The following ZNF485 variants were observed in gnomAD, a reference collection of about 807,000 sequenced individuals.
The protein encoded by ZNF485 is zinc finger protein 485, also known as Zinc finger protein 93 (Zinc finger protein HTF34).
Under a neutral mutation model 10.8 loss-of-function variants are expected in ZNF485, and 9 were observed. The ratio of observed to expected loss-of-function variants is 0.83; its 90% confidence interval spans 0.50 to 1.45. ZNF485 has a LOEUF of 1.45. ZNF485 is among the 40% of genes most tolerant of loss of function. The pLI is 0.00. For missense variants in ZNF485, 487 were observed against 528.0 expected, an observed-to-expected ratio of 0.92 and a Z score of 0.76; for synonymous variants, 187 against 181.0, an observed-to-expected ratio of 1.03 and a Z score of -0.27.
At position 43,617,419 on chromosome 10, in the gene ZNF485, G is replaced by T. The variant is rs779823048; in HGVS notation, c.*50G>T. 1 of 1,298,530 alleles carries T rather than the reference G, an allele frequency of 7.7e-7. No individual in the cohort carries two copies. Among genetic ancestry groups the T allele is most frequent in the Admixed American group, 2.3e-5 (1 of 43,414 alleles). The allele number at this position is 1,298,530 out of a possible 1,614,324, so 80.4% of individuals were successfully genotyped here. A position where few individuals can be genotyped will look rare whatever the true frequency, so the allele number is the denominator to read the frequency against. Reference sequence around the variant, plus strand: ...TATTCCTTCTGACCATCATAGAGGAGACATTAAATAAATTATGCATTTAAC... The same window carrying T: ...TATTCCTTCTGACCATCATAGAGGATACATTAAATAAATTATGCATTTAAC... On this transcript the variant is annotated 3_prime_UTR_variant, in exon 5 of 5. Coordinates refer to ENST00000361807, the MANE Select transcript of ZNF485 (RefSeq NM_145312.4).
At position 43,607,604 on chromosome 10, in the gene ZNF485, G is replaced by C. The variant is rs143733735; in HGVS notation, c.24+530G>C. Among the ~76,000 whole-genome samples, 409 of 152,212 alleles carry C rather than the reference G, an allele frequency of 2.7e-3. 3 individuals are homozygous for C. The highest frequency in any genetic ancestry group is 9.4e-3 in the African/African-American group (391 of 41,508). On this transcript the variant is annotated intron_variant, in intron 2 of 4. Coordinates refer to ENST00000361807, the MANE Select transcript of ZNF485 (RefSeq NM_145312.4). ...TTTGCTTTTATCCTGGAGAAAACTAGGTTTTGAAGGATTTTGAGAAGCTGA... is the reference window on the plus strand; with the variant it reads ...TTTGCTTTTATCCTGGAGAAAACTACGTTTTGAAGGATTTTGAGAAGCTGA...
chr10:43,608,428 C>T (rs1181669220), intron 2 of ZNF485, among the ~76,000 whole-genome samples, 186 bp from the exon 3 acceptor site: 1 of 152,200 alleles, frequency 6.6e-6, no homozygotes, highest in Middle Eastern at 3.2e-3. Flanking sequence ...GGGAGCAGGA[C>T]AGGCATGCAG....
At chr10:43,607,684 AAAT>A (rs1234227093) in intron 2 of ZNF485, among the ~76,000 whole-genome samples, 2 of 152,352 alleles carry the variant, frequency 1.3e-5, no homozygotes, top group African/African-American at 4.8e-5. Context: ...TCTATTATAC[AAAT>A]AAAATTAAAA....
chr10:43,611,640 C>G (rs1377004719), intron 4 of ZNF485, among the ~76,000 whole-genome samples: 5 of 152,128 alleles, frequency 3.3e-5, no homozygotes, highest in African/African-American at 1.2e-4. Flanking sequence ...CATATGAGTG[C>G]CACTTTTATA....
chr10:43,611,505 A>G (rs778496999), intron 4 of ZNF485, among the ~76,000 whole-genome samples: 1 of 152,232 alleles, frequency 6.6e-6, no homozygotes, highest in Non-Finnish European at 1.5e-5. Flanking sequence ...TCTCTTGTGT[A>G]CAAGTAAATC....
chr10:43,615,473 C>G (rs180686807), intron 4 of ZNF485, among the ~76,000 whole-genome samples: 14 of 152,236 alleles, frequency 9.2e-5, no homozygotes, highest in African/African-American at 3.4e-4. Context: ...ATGATCTCAG[C>G]TCACTGCAAC....
At chr10:43,613,494 T>C (rs1453806143) in intron 4 of ZNF485, among the ~76,000 whole-genome samples, 1 of 152,240 alleles carries the variant, frequency 6.6e-6, no homozygotes, top group Non-Finnish European at 1.5e-5. Context: ...AGTTCTTTAT[T>C]CAGCAGGTTC....
rs781616020 is a variant in ZNF485, at chr10:43,616,809, G to A, written c.766G>A (p.Ala256Thr). Residue 256 changes from alanine (A) to threonine (T), a missense_variant, in exon 5 of 5, where the codon GCT becomes ACT. By Grantham distance (58) the Ala-to-Thr change is moderately conservative. Transcript: ENST00000361807. ...DCGKAFAQNA[A>T]LTRHERIHSG... ...TGGGAAAGCCTTCGCTCAGAATGCA[G>A]CTCTTACTCGTCATGAAAGAATACA... The A allele has an allele frequency of 6.2e-7, 1 of 1,614,078 alleles. No individual in the cohort carries two copies. The highest frequency in any genetic ancestry group is 8.5e-7 in the Non-Finnish European group (1 of 1,179,992).
chr10:43,616,838 T>C lies in ZNF485; in HGVS notation c.795T>C (p.Ser265=), dbSNP rs1011517061. The C allele has an allele frequency of 1.9e-6, 3 of 1,614,078 alleles. No homozygotes were observed. Among genetic ancestry groups the C allele is most frequent in the African/African-American group, 1.3e-5 (1 of 75,032 alleles). ...TTACTCGTCATGAAAGAATACATAG[T>C]GGAGAGAAGCCTTTTAAATGTAACA... ...AALTRHERIH[S]GEKPFKCNKC... Residue 265 remains serine, a synonymous_variant, in exon 5 of 5, where the codon AGT becomes AGC. Coordinates refer to ENST00000361807, the MANE Select transcript of ZNF485 (RefSeq NM_145312.4).
chr10:43,609,706 C>T (rs1487430057), intron 4 of ZNF485, among the ~76,000 whole-genome samples: 2 of 151,970 alleles, frequency 1.3e-5, no homozygotes, highest in African/African-American at 4.8e-5. Flanking sequence ...TTTTTTGAGA[C>T]AGTCTCGCCC....
Position 43,616,372 on chromosome 10 carries a change from A to T in ZNF485, c.329A>T (p.Lys110Ile), listed in dbSNP as rs1324251353. 6.2e-7 allele frequency: 1 copy of T among 1,613,980 alleles called. No homozygotes were observed. The highest frequency in any genetic ancestry group is 1.3e-5 in the African/African-American group (1 of 74,926). The change falls in exon 5 of 5, where the codon AAA (lysine) becomes ATA (isoleucine). Residue 110 changes from lysine to isoleucine, a missense_variant. By Grantham distance (102) the Lys-to-Ile change is moderately radical. Transcript: ENST00000361807. ...SEASVLGERT[K>I]SVMMEKGLDW... ...GCATCTGTTCTGGGAGAGCGAACGA[A>T]AAGTGTCATGATGGAAAAAGGCCTG... is the stretch of plus-strand genomic sequence containing the variant.
At position 43,616,276 on chromosome 10, in the gene ZNF485, A is replaced by T. The variant is rs766658291; in HGVS notation, c.248-15A>T. On this transcript the variant is annotated splice_polypyrimidine_tract_variant and intron_variant, in intron 4 of 4. Transcript: ENST00000361807. ...CAACATAAAGAACATTTGAATTTTT[A>T]AAATTTTCTTTCAGTCGAGGATTAC... 3 of 1,530,884 alleles carry T rather than the reference A, an allele frequency of 2.0e-6. No homozygotes were observed. In the South Asian group the frequency reaches 3.9e-5, roughly 20 times the overall value. 94.8% of individuals were successfully genotyped at this position (1,530,884 alleles called of 1,614,324 possible).
chr10:43,610,011 ACT>A (rs1838738766), intron 4 of ZNF485, among the ~76,000 whole-genome samples: 1 of 150,656 alleles, frequency 6.6e-6, no homozygotes, highest in Non-Finnish European at 1.5e-5. Flanking sequence ...TTCCTTACCC[ACT>A]CTCTCATGGA....
chr10:43,615,569 T>G (rs1471576901), intron 4 of ZNF485, among the ~76,000 whole-genome samples: 5 of 152,040 alleles, frequency 3.3e-5, no homozygotes, highest in Admixed American at 3.3e-4. Flanking sequence ...GCCTGGCTAG[T>G]TTTTGCATTT....
In ZNF485 at chr10:43,616,728, C is replaced by G; in HGVS notation, c.685C>G (p.Leu229Val). Residue 229 changes from leucine to valine, a missense_variant, in exon 5 of 5, where the codon CTT becomes GTT. By Grantham distance (32) the Leu-to-Val change is conservative (BLOSUM62 1). Coordinates refer to ENST00000361807, the MANE Select transcript of ZNF485 (RefSeq NM_145312.4). ...AAAAACTTTCAGAAAGAACTCAATCCTTTTAAGTCATCAGAGAATTCATAC... is the reference window on the plus strand; with the variant it reads ...AAAAACTTTCAGAAAGAACTCAATCGTTTTAAGTCATCAGAGAATTCATAC... The part of the protein sequence containing the change: ...CGKTFRKNSI[L>V]LSHQRIHTGQ... The G allele has an allele frequency of 1.2e-6, 2 of 1,614,062 alleles. No individual in the cohort carries two copies. Among genetic ancestry groups the G allele is most frequent in the African/African-American group, 1.3e-5 (1 of 75,044 alleles).
rs776241284 is a variant in ZNF485, at chr10:43,616,772, A to T, written c.729A>T (p.Lys243Asn). The stretch of plus-strand genomic sequence containing the variant: ...TTCATACTGGCCAGAAACCCTACAA[A>T]TGTAATGACTGTGGGAAAGCCTTCG... ...QRIHTGQKPY[K>N]CNDCGKAFAQ... The change falls in exon 5 of 5, where the codon AAA becomes AAT. Residue 243 changes from lysine to asparagine, a missense_variant. Lys to Asn is a moderately conservative substitution (Grantham distance 94). Transcript: ENST00000361807. The T allele has an allele frequency of 1.5e-5, 24 of 1,613,920 alleles. No homozygotes were observed. Among genetic ancestry groups the T allele is most frequent in the Non-Finnish European group, 1.9e-5 (23 of 1,179,972 alleles).
intron 4 of ZNF485, among the ~76,000 whole-genome samples, chr10:43,613,122 C>T (rs543985879): frequency 6.8e-4 from 103 of 152,236 alleles, no homozygotes; most frequent in African/African-American, 2.3e-3. Flanking sequence ...AAAATTAACA[C>T]ATATATAGAA....
chr10:43,610,872 G>GT (rs1838756062), intron 4 of ZNF485, among the ~76,000 whole-genome samples: 1 of 152,156 alleles, frequency 6.6e-6, no homozygotes, highest in Non-Finnish European at 1.5e-5. Context: ...CCCTGTGTCA[G>GT]TTTCTTGTGG....
Position 43,611,580 on chromosome 10 carries a change from G to A in ZNF485, c.247+2230G>A, listed in dbSNP as rs12261308. Reference sequence around the variant, plus strand: ...TTTTTAAATCCACCAAATTTGGTGGGTATTTCCGCTATTCATAAAGATAAT... The same window carrying A: ...TTTTTAAATCCACCAAATTTGGTGGATATTTCCGCTATTCATAAAGATAAT... On this transcript the variant is annotated intron_variant, in intron 4 of 4. Transcript: ENST00000361807. Among the ~76,000 whole-genome samples, 297 of 152,174 alleles carry A rather than the reference G, an allele frequency of 2.0e-3. 1 individual carries two copies. Among genetic ancestry groups the A allele is most frequent in the African/African-American group, 6.9e-3 (287 of 41,506 alleles).
Sources: gnomAD v4.1 joint callset for allele counts (sites outside exome capture counted in the v4.1 genomes callset) on GRCh38, gnomAD v4.1.1 for gene constraint, MANE v1.5 for transcripts, NCBI Gene and HGNC (gene_info 2026-07-23, HGNC 2026-07-21) for gene names.